ELFN2: variants seen among roughly 807,000 people sequenced by gnomAD.
ELFN2 encodes the protein protein phosphatase 1 regulatory subunit 29.
Under a neutral mutation model 45.5 loss-of-function variants are expected in ELFN2, and 17 were observed. The observed-to-expected ratio is 0.37, with a 90% CI of 0.26 to 0.56. ELFN2 has a LOEUF of 0.56. Ranked by LOEUF, ELFN2 falls within the 20% of genes least tolerant of loss-of-function variation. ELFN2 has a pLI of 0.77. For missense variants in ELFN2, 922 were observed against 1,183.2 expected, an observed-to-expected ratio of 0.78 and a Z score of 3.24; for synonymous variants, 550 against 551.5, an observed-to-expected ratio of 1.00 and a Z score of 0.04.
rs780401854 is a variant in ELFN2 at position 37,373,238 on chromosome 22, G to A, written c.2297C>T (p.Thr766Met). The change falls in exon 3 of 3, where the codon ACG becomes ATG. Residue 766 changes from threonine (T) to methionine (M), a missense_variant. Physicochemically the swap from Thr to Met is moderately conservative, Grantham distance 81 (BLOSUM62 -1). This residue lies in a region of ELFN2 where 564 missense variants were observed against 642.8 expected (regional missense o/e 0.88). Transcript: ENST00000402918. ...SSSPEYSSES[T>M]HKIWERFRPY... ...CCGGAAGCGCTCCCAGATCTTGTGC[G>A]TGCTCTCGGATGAGTACTCGGGGCT... 1.4e-5 allele frequency: 22 copies of A among 1,613,788 alleles called. 1 individual carries two copies. Among genetic ancestry groups the A allele is most frequent in the East Asian group, 4.5e-5 (2 of 44,898 alleles).
intron 2 of ELFN2, among the ~76,000 whole-genome samples, chr22:37,412,904 G>A (rs1359823755): frequency 6.6e-6 from 1 of 152,138 alleles, no homozygotes; most frequent in East Asian, 1.9e-4. Flanking sequence ...GTGGGCCTGG[G>A]CCAGGCACCC....
At position 37,373,543 on chromosome 22, in the gene ELFN2, G is replaced by T. The variant is rs368780357; in HGVS notation, c.1992C>A (p.Ile664=). ...GGCTGTTGAGGGGGCTGCCCTTCTC[G>T]ATGTACTTGGAGTCGCCCTTAGCCA... is the stretch of plus-strand genomic sequence containing the variant. The part of the protein sequence containing the change: ...TGLAKGDSKY[I]EKGSPLNSPL... The change falls in exon 3 of 3, where the codon ATC becomes ATA. Residue 664 remains isoleucine, a synonymous_variant. Transcript: ENST00000402918. The T allele has an allele frequency of 6.3e-7, 1 of 1,590,222 alleles. No homozygotes were observed. Among genetic ancestry groups the T allele is most frequent in the Admixed American group, 1.8e-5 (1 of 56,398 alleles).
chr22:37,426,263 C>T (rs951456042), intron 1 of ELFN2, among the ~76,000 whole-genome samples: 1 of 152,174 alleles, frequency 6.6e-6, no homozygotes, highest in Non-Finnish European at 1.5e-5. Context: ...GTCCCCTTCT[C>T]GTCTCCCTCC....
chr22:37,370,203 CAG>C lies in ELFN2; in HGVS notation c.*2867_*2868del, dbSNP rs1375134614. 2.0e-5 allele frequency: 3 copies of C among 152,252 alleles called. No individual in the cohort carries two copies. Among genetic ancestry groups the C allele is most frequent in the African/African-American group, 7.2e-5 (3 of 41,470 alleles). The allele number at this position is 152,252 out of a possible 1,614,324, so 9.4% of individuals were successfully genotyped here. On this transcript the variant is annotated 3_prime_UTR_variant, in exon 3 of 3. Transcript: ENST00000402918. ...TTGGAAGGGCCCCTGTCCCTGCAGT[CAG>C]AGAGTCTGAGGTTTCCTAAATATCT...
intron 1 of ELFN2, among the ~76,000 whole-genome samples, chr22:37,344,847 G>T (rs143498654): frequency 6.6e-6 from 1 of 152,156 alleles, no homozygotes; most frequent in Non-Finnish European, 1.5e-5. Context: ...CCTCAGGTGC[G>T]CAGGGGGCGC....
chr22:37,410,755 G>A (rs9610745), intron 2 of ELFN2, among the ~76,000 whole-genome samples: 7,155 of 152,250 alleles, frequency 0.047, 194 homozygotes, highest in Middle Eastern at 0.061. Flanking sequence ...GAGGATGATC[G>A]GGCCGGAGCC....
chr22:37,426,440 C>A (rs1174526109), intron 1 of ELFN2, among the ~76,000 whole-genome samples: 2 of 151,896 alleles, frequency 1.3e-5, no homozygotes, highest in African/African-American at 2.4e-5. Context: ...TGCGTGTGTG[C>A]GCTTGTGTGT....
chr22:37,394,680 C>T (rs974673986), intron 2 of ELFN2, among the ~76,000 whole-genome samples: 1 of 152,232 alleles, frequency 6.6e-6, no homozygotes, highest in Non-Finnish European at 1.5e-5. Context: ...TTTCATCCTA[C>T]GGGCCGTGGT....
At chr22:37,364,828 G>A (rs185765056), downstream of ELFN2, among the ~76,000 whole-genome samples, 112 of 152,326 alleles carry the variant, frequency 7.4e-4, no homozygotes, top group African/African-American at 2.6e-3. Flanking sequence ...GCTGGGCGGT[G>A]GGCCCCAGGC....
At position 37,373,450 on chromosome 22, in the gene ELFN2, G is replaced by A. The variant is rs1255947316; in HGVS notation, c.2085C>T (p.His695=). 4 of 1,540,692 alleles carry A rather than the reference G, an allele frequency of 2.6e-6. No homozygotes were observed. The highest frequency in any genetic ancestry group is 2.4e-5 in the East Asian group (1 of 41,004). ...GGGSGGGGGI[H]HLEVKPAYHC... ...GGTAGGCCGGCTTCACCTCCAGGTG[G>A]TGGATGCCCCCGCCCCCGCCGCTGC... The change falls in exon 3 of 3, where the codon CAC becomes CAT. Residue 695 remains histidine, a synonymous_variant. Transcript: ENST00000402918.
chr22:37,412,275 C>T (rs1163015586), intron 2 of ELFN2, among the ~76,000 whole-genome samples: 3 of 77,124 alleles, frequency 3.9e-5, no homozygotes, highest in Non-Finnish European at 6.7e-5. Flanking sequence ...AAAACTCCGT[C>T]TCAAAAAAAA....
At chr22:37,357,068 C>T (rs1307512616) in intron 1 of ELFN2, among the ~76,000 whole-genome samples, 1 of 152,174 alleles carries the variant, frequency 6.6e-6, no homozygotes, top group African/African-American at 2.4e-5. Context: ...CACGCAGACC[C>T]CTCCTCTTGT....
Position 37,374,592 on chromosome 22 carries a change from T to C in ELFN2, c.943A>G (p.Ile315Val). Reference protein sequence around the residue: ...TFTSATLVVIIPHPYSKMYIL... With the variant: ...TFTSATLVVIVPHPYSKMYIL... ...TACATCTTGCTGTAGGGGTGTGGGA[T>C]GATGACCACCAGGGTGGCCGAGGTG... is the stretch of plus-strand genomic sequence containing the variant. The change falls in exon 3 of 3, where the codon ATC (isoleucine) becomes GTC (valine). Residue 315 changes from isoleucine to valine, a missense_variant. Coordinates refer to ENST00000402918, the MANE Select transcript of ELFN2 (RefSeq NM_052906.5). The C allele has an allele frequency of 6.2e-7, 1 of 1,614,146 alleles. No homozygotes were observed. The highest frequency in any genetic ancestry group is 8.5e-7 in the Non-Finnish European group (1 of 1,180,014).
intron 1 of ELFN2, among the ~76,000 whole-genome samples, chr22:37,358,047 C>A (rs1181062223): frequency 3.3e-5 from 5 of 152,138 alleles, no homozygotes; most frequent in African/African-American, 1.2e-4. Context: ...CTATCATTCT[C>A]AGCAGGTGGA....
chr22:37,357,079 T>A (rs1930969870), intron 1 of ELFN2, among the ~76,000 whole-genome samples: 1 of 152,162 alleles, frequency 6.6e-6, no homozygotes. Flanking sequence ...CTCCTCTTGT[T>A]ACTTTGCTAT....
intron 2 of ELFN2, among the ~76,000 whole-genome samples, chr22:37,404,350 G>A (rs536510534): frequency 3.9e-5 from 6 of 152,114 alleles, no homozygotes; most frequent in Admixed American, 3.9e-4. Context: ...GGCACATGAA[G>A]GCAGATTTGA....
chr22:37,390,024 G>A (rs991866613), intron 2 of ELFN2, among the ~76,000 whole-genome samples: 3 of 152,328 alleles, frequency 2.0e-5, no homozygotes, highest in East Asian at 1.9e-4. Flanking sequence ...AGGGGGCCTG[G>A]GAAGCTGGAA....
chr22:37,403,539 C>T (rs899642640), intron 2 of ELFN2, among the ~76,000 whole-genome samples: 16 of 152,198 alleles, frequency 1.1e-4, no homozygotes, highest in African/African-American at 3.4e-4. Context: ...TTTGGGCTCC[C>T]GGGTGTTTGT....
intron 2 of ELFN2, among the ~76,000 whole-genome samples, chr22:37,398,082 T>A (rs1932265016): frequency 6.6e-6 from 1 of 152,108 alleles, no homozygotes; most frequent in African/African-American, 2.4e-5. Context: ...TTGCATCTAA[T>A]CCTCACAGTG....
Sources: allele counts gnomAD v4.1 joint callset (sites outside exome capture counted in the v4.1 genomes callset), GRCh38; gene constraint gnomAD v4.1.1; regional missense constraint gnomAD v4.1.1; transcripts MANE v1.5; gene names NCBI Gene and HGNC (gene_info 2026-07-23, HGNC 2026-07-21).